Variants in RBFOX1 observed in about 807,000 individuals in gnomAD.
The protein encoded by RBFOX1 is RNA binding protein fox-1 homolog 1.
RBFOX1 carries 8 observed loss-of-function variants against 57.7 expected under a neutral mutation model. The observed-to-expected ratio is 0.14, with a 90% CI of 0.08 to 0.25. RBFOX1 has a LOEUF of 0.25. RBFOX1 is among the 10% of genes least tolerant of loss of function. The pLI is 1.00. For synonymous variants in RBFOX1, 326 were observed against 222.4 expected (o/e 1.47, Z -4.15); for missense variants, 611 against 548.5 (o/e 1.11, Z -1.14).
chr16:6,988,618 G>A (rs1046806873), intron 3 of RBFOX1, among the ~76,000 whole-genome samples: 26 of 151,102 alleles, frequency 1.7e-4, no homozygotes, highest in African/African-American at 5.1e-4. Flanking sequence ...TGTCCCCTAG[G>A]CTGGAGTGCA....
chr16:6,672,084 G>T (rs1199141338), intron 3 of RBFOX1, among the ~76,000 whole-genome samples: 4 of 152,164 alleles, frequency 2.6e-5, no homozygotes, highest in Non-Finnish European at 4.4e-5. Flanking sequence ...ATCACATTCG[G>T]TTTCAAAGAC....
intron 1 of RBFOX1, among the ~76,000 whole-genome samples, chr16:6,075,251 CT>C (rs1415223919): frequency 1.3e-5 from 2 of 152,162 alleles, no homozygotes; most frequent in African/African-American, 4.8e-5. Context: ...GATGCATAAA[CT>C]TTGATGAGCT....
intron 2 of RBFOX1, among the ~76,000 whole-genome samples, chr16:5,484,351 C>T (rs1181760832): frequency 1.3e-5 from 2 of 152,218 alleles, no homozygotes; most frequent in African/African-American, 4.8e-5. Flanking sequence ...AAGCAGCTCA[C>T]ATCTTGGCAA....
At chr16:5,426,129 C>T (rs1341846819) in intron 1 of RBFOX1, among the ~76,000 whole-genome samples, 1 of 152,054 alleles carries the variant, frequency 6.6e-6, no homozygotes, top group Non-Finnish European at 1.5e-5. Context: ...TGCTGTTTTC[C>T]CTAAAGTGAG....
intron 3 of RBFOX1, among the ~76,000 whole-genome samples, chr16:5,697,803 A>C (rs1317638041): frequency 2.6e-5 from 4 of 152,138 alleles, no homozygotes; most frequent in Non-Finnish European, 5.9e-5. Flanking sequence ...AAGTGGGGTT[A>C]TTCTTTTTCC....
At chr16:5,357,247 C>T (rs188500235) in intron 1 of RBFOX1, among the ~76,000 whole-genome samples, 1 of 152,292 alleles carries the variant, frequency 6.6e-6, no homozygotes, top group African/African-American at 2.4e-5. Context: ...GGGGCATTCT[C>T]CTTGGCCATA....
Position 6,645,416 on chromosome 16 carries a change from C to T in RBFOX1, c.-63-9187C>T, listed in dbSNP as rs374522440. Among the ~76,000 whole-genome samples the T allele has an allele frequency of 2.8e-4, 42 of 152,172 alleles. 1 individual carries two copies. In the South Asian group the frequency reaches 7.5e-3, roughly 27 times the overall value. ...TCCGGTGTTTCTCTCCACATTTTCT[C>T]GGGAATCTTTAAGTGCCAGATACTT... On this transcript the variant is annotated intron_variant, in intron 2 of 15. Coordinates refer to ENST00000550418, the MANE Select transcript of RBFOX1 (RefSeq NM_018723.4).
chr16:6,793,416 C>G (rs547492731), intron 3 of RBFOX1, among the ~76,000 whole-genome samples: 8 of 152,160 alleles, frequency 5.3e-5, no homozygotes, highest in African/African-American at 1.9e-4. Flanking sequence ...ACATTCTTAC[C>G]TGTTCGTAAT....
intron 4 of RBFOX1, among the ~76,000 whole-genome samples, chr16:7,441,884 C>T (rs377014097): frequency 3.9e-5 from 6 of 152,338 alleles, no homozygotes; most frequent in African/African-American, 9.6e-5. Flanking sequence ...TAGTGCTCTC[C>T]TCCCACCCTT....
intron 3 of RBFOX1, among the ~76,000 whole-genome samples, chr16:5,860,208 G>C (rs1248093921): frequency 6.6e-6 from 1 of 152,072 alleles, no homozygotes; most frequent in Non-Finnish European, 1.5e-5. Context: ...TCAGCCTCCT[G>C]AGTAGCTGGG....
intron 2 of RBFOX1, among the ~76,000 whole-genome samples, chr16:6,568,735 G>A (rs2097302474): frequency 6.6e-6 from 1 of 152,038 alleles, no homozygotes; most frequent in African/African-American, 2.4e-5. Context: ...GGGCCAGTTG[G>A]GTGGAAAGTT....
At chr16:6,852,320 A>G (rs2142016445) in intron 3 of RBFOX1, among the ~76,000 whole-genome samples, 1 of 152,036 alleles carries the variant, frequency 6.6e-6, no homozygotes, top group South Asian at 2.1e-4. Flanking sequence ...AGGATGCTTG[A>G]GGTTGCGTGT....
At chr16:6,332,710 C>G (rs1168948845) in intron 2 of RBFOX1, among the ~76,000 whole-genome samples, 4 of 152,144 alleles carry the variant, frequency 2.6e-5, no homozygotes, top group Non-Finnish European at 5.9e-5. Flanking sequence ...AATTCCCTCT[C>G]CTAACCATTT....
intron 1 of RBFOX1, among the ~76,000 whole-genome samples, chr16:5,318,124 T>C (rs1006566458): frequency 4.0e-5 from 6 of 151,676 alleles, no homozygotes; most frequent in African/African-American, 1.5e-4. Context: ...TTACACCTAC[T>C]GTTTTTTTTT....
At chr16:6,881,418 G>A (rs894955632) in intron 3 of RBFOX1, among the ~76,000 whole-genome samples, 1 of 152,198 alleles carries the variant, frequency 6.6e-6, no homozygotes, top group Non-Finnish European at 1.5e-5. Flanking sequence ...GTGTTGGCAA[G>A]ATTGGTTCCT....
chr16:6,609,529 C>A (rs1483929312), intron 2 of RBFOX1, among the ~76,000 whole-genome samples: 1 of 151,854 alleles, frequency 6.6e-6, no homozygotes, highest in Non-Finnish European at 1.5e-5. Flanking sequence ...TTTTTTGTAA[C>A]AACGGGGTTT....
At chr16:7,574,380 G>C (rs540434326) in intron 5 of RBFOX1, among the ~76,000 whole-genome samples, 17 of 152,292 alleles carry the variant, frequency 1.1e-4, no homozygotes, top group Non-Finnish European at 2.2e-4. Flanking sequence ...TGACTCACAC[G>C]ATCACAAGGT....
rs1266100298 is a variant in RBFOX1, at chr16:5,750,126, G to T, written c.319-117177G>T. Among the ~76,000 whole-genome samples, 4 of 152,312 alleles carry T rather than the reference G, an allele frequency of 2.6e-5. No homozygotes were observed. The East Asian group carries it at 7.7e-4, about 29-fold the overall frequency. On this transcript the variant is annotated intron_variant, in intron 3 of 19. Coordinates refer to the RBFOX1 transcript ENST00000641259. ...GCAGGTCTGTTGGAGTTTGCTGGAG[G>T]TCCATTCCAGACCCTGTTTGCCTGG... is the stretch of plus-strand genomic sequence containing the variant.
At chr16:6,129,238 C>G (rs372175580) in intron 1 of RBFOX1, among the ~76,000 whole-genome samples, 11 of 151,974 alleles carry the variant, frequency 7.2e-5, no homozygotes, top group East Asian at 3.9e-4. Context: ...GACTTTAAAA[C>G]CACAATTGTA....
Sources: gnomAD v4.1 joint callset for allele counts (sites outside exome capture counted in the v4.1 genomes callset) on GRCh38, gnomAD v4.1.1 for gene constraint, MANE v1.5 for transcripts, NCBI Gene and HGNC (gene_info 2026-07-23, HGNC 2026-07-21) for gene names.